The following MRPS28 variants were observed in gnomAD, a reference collection of about 807,000 sequenced individuals.
MRPS28 encodes the protein small ribosomal subunit protein bS1m.
A neutral mutation model predicts 10.8 loss-of-function variants in MRPS28; 7 were observed. That is an observed-to-expected ratio of 0.65 (90% CI 0.37 to 1.22). The LOEUF is 1.22. Ranked by LOEUF, MRPS28 falls within the 50% of genes most tolerant of loss-of-function variation. MRPS28 has a pLI of 0.02. For synonymous variants in MRPS28, 121 were observed against 93.3 expected (o/e 1.30, Z -1.71); for missense variants, 265 against 232.9 (o/e 1.14, Z -0.90).
chr8:79,961,268 A>C (rs1160640533), intron 2 of MRPS28, among the ~76,000 whole-genome samples: 1 of 152,092 alleles, frequency 6.6e-6, no homozygotes, highest in African/African-American at 2.4e-5. Flanking sequence ...AGTCAGGCTA[A>C]TTATTTTCCC....
At chr8:79,989,018 T>C (rs906627102) in intron 2 of MRPS28, among the ~76,000 whole-genome samples, 5 of 152,168 alleles carry the variant, frequency 3.3e-5, no homozygotes, top group Admixed American at 6.5e-5. Flanking sequence ...GCCAATATTA[T>C]TGAATAATAC....
At chr8:79,923,467 G>GA (rs1810146803) in intron 2 of MRPS28, among the ~76,000 whole-genome samples, 1 of 151,946 alleles carries the variant, frequency 6.6e-6, no homozygotes, top group Non-Finnish European at 1.5e-5. Context: ...TTATCCATTA[G>GA]AAAAATGGCT....
At chr8:79,934,506 A>AT (rs1237656155) in intron 2 of MRPS28, among the ~76,000 whole-genome samples, 1 of 152,238 alleles carries the variant, frequency 6.6e-6, no homozygotes, top group Non-Finnish European at 1.5e-5. Context: ...TAAAGTTTAC[A>AT]TTTTAACCTT....
intron 2 of MRPS28, among the ~76,000 whole-genome samples, chr8:79,934,086 T>C (rs1046158261): frequency 1.3e-5 from 2 of 152,202 alleles, no homozygotes; most frequent in African/African-American, 4.8e-5. Flanking sequence ...TGACAGAGTA[T>C]ATCAGTAAAT....
intron 2 of MRPS28, among the ~76,000 whole-genome samples, chr8:79,922,202 CAGTTGGA>C (rs1186595578): frequency 6.6e-6 from 1 of 152,034 alleles, no homozygotes; most frequent in Non-Finnish European, 1.5e-5. Flanking sequence ...AATGTAATGC[CAGTTGGA>C]TGAACCTGGA....
intron 2 of MRPS28, among the ~76,000 whole-genome samples, chr8:79,933,007 G>C (rs1806505528): frequency 6.6e-6 from 1 of 152,220 alleles, no homozygotes; most frequent in South Asian, 2.1e-4. Flanking sequence ...TCTTATGAAG[G>C]CAGAAAGCAG....
At chr8:79,962,897 G>A (rs1207100602) in intron 2 of MRPS28, among the ~76,000 whole-genome samples, 14 of 152,092 alleles carry the variant, frequency 9.2e-5, no homozygotes, top group Admixed American at 9.2e-4. Flanking sequence ...AAGAAACTAG[G>A]AAGGATAGGC....
intron 2 of MRPS28, among the ~76,000 whole-genome samples, chr8:79,932,709 A>G (rs1235038326): frequency 6.6e-6 from 1 of 152,206 alleles, no homozygotes; most frequent in Non-Finnish European, 1.5e-5. Flanking sequence ...GGGAGGGTGA[A>G]GTGCTAATCA....
At chr8:80,003,687 G>C (rs1418338484) in intron 1 of MRPS28, among the ~76,000 whole-genome samples, 1 of 152,170 alleles carries the variant, frequency 6.6e-6, no homozygotes, top group Non-Finnish European at 1.5e-5. Flanking sequence ...GTGAGCCGAA[G>C]CAGTGCCTCA....
chr8:79,919,159 A>T lies in MRPS28; in HGVS notation c.396-11T>A, dbSNP rs202029056. 212 of 434,184 alleles carry T rather than the reference A, an allele frequency of 4.9e-4. No homozygotes were observed. The highest frequency in any genetic ancestry group is 2.9e-3 in the Middle Eastern group (6 of 2,100). The allele number at this position is 434,184 out of a possible 1,614,324, so 26.9% of individuals were successfully genotyped here. A position where few individuals can be genotyped will look rare whatever the true frequency, so the allele number is the denominator to read the frequency against. On this transcript the variant is annotated splice_polypyrimidine_tract_variant and intron_variant, in intron 2 of 2. Coordinates refer to ENST00000276585, the MANE Select transcript of MRPS28 (RefSeq NM_014018.3). ...CCTTTCTGGTATTTCCTAAATAGTT[A>T]AAAAAAAAAAAATCCATTAATTCTG... is the stretch of plus-strand genomic sequence containing the variant.
intron 2 of MRPS28, among the ~76,000 whole-genome samples, chr8:80,002,169 A>T (rs187460076): frequency 6.6e-6 from 1 of 152,270 alleles, no homozygotes; most frequent in East Asian, 1.9e-4. Flanking sequence ...CTAGGTCTAC[A>T]GTAGACTCTT....
intron 1 of MRPS28, among the ~76,000 whole-genome samples, chr8:80,018,957 T>C (rs1457660194): frequency 1.3e-5 from 2 of 152,120 alleles, no homozygotes; most frequent in African/African-American, 4.8e-5. Flanking sequence ...ATTGAACTCA[T>C]GGAGACAGAG....
At chr8:80,028,347 C>T (rs1809542799) in intron 1 of MRPS28, among the ~76,000 whole-genome samples, 1 of 152,024 alleles carries the variant, frequency 6.6e-6, no homozygotes, top group Non-Finnish European at 1.5e-5. Flanking sequence ...CCTTACTGCA[C>T]TTAACTCTTA....
rs552968317 is a variant in MRPS28 at position 80,020,403 on chromosome 8, G to A, written c.213+9633C>T. 2.4e-3 allele frequency among the ~76,000 whole-genome samples: 369 copies of A among 152,228 alleles called. 1 individual carries two copies. Among genetic ancestry groups the A allele is most frequent in the Middle Eastern group, 6.8e-3 (2 of 294 alleles). ...TGGAACGCCCTTGGCTGACAGGAGG[G>A]GTCCATTCAGATGGTTGAGGGGGCT... On this transcript the variant is annotated intron_variant, in intron 1 of 2. Coordinates refer to ENST00000276585, the MANE Select transcript of MRPS28 (RefSeq NM_014018.3).
chr8:79,978,564 CCTAA>C, intron 2 of MRPS28, among the ~76,000 whole-genome samples: 1 of 152,128 alleles, frequency 6.6e-6, no homozygotes, highest in East Asian at 1.9e-4. Flanking sequence ...GATAATGTTT[CCTAA>C]CTTAGAGCAT....
chr8:80,000,582 T>C (rs1302140906), intron 2 of MRPS28, among the ~76,000 whole-genome samples: 3 of 152,240 alleles, frequency 2.0e-5, no homozygotes, highest in South Asian at 2.1e-4. Context: ...ATGTGGTATA[T>C]ATTTAGTTTT....
intron 2 of MRPS28, among the ~76,000 whole-genome samples, chr8:79,971,256 A>G (rs1308298326): frequency 6.6e-6 from 1 of 152,220 alleles, no homozygotes; most frequent in Non-Finnish European, 1.5e-5. Context: ...GACTTGCTCA[A>G]GTTCACCAAA....
At chr8:79,968,868 A>C (rs921832838) in intron 2 of MRPS28, among the ~76,000 whole-genome samples, 2 of 152,232 alleles carry the variant, frequency 1.3e-5, no homozygotes, top group African/African-American at 4.8e-5. Context: ...ACTAGATTGC[A>C]AATGTTTGAA....
At chr8:79,919,919 G>T (rs1157472970) in intron 2 of MRPS28, among the ~76,000 whole-genome samples, 2 of 148,444 alleles carry the variant, frequency 1.3e-5, no homozygotes, top group Non-Finnish European at 3.0e-5. Flanking sequence ...TTTACGTTAG[G>T]TATATCTCCT....
Sources: gnomAD v4.1 joint callset for allele counts (sites outside exome capture counted in the v4.1 genomes callset) on GRCh38, gnomAD v4.1.1 for gene constraint, MANE v1.5 for transcripts, NCBI Gene and HGNC (gene_info 2026-07-23, HGNC 2026-07-21) for gene names.